The following C4orf36 variants were observed in gnomAD, a reference collection of about 807,000 sequenced individuals.
C4orf36 encodes uncharacterized protein C4orf36.
Under a neutral mutation model 12.2 loss-of-function variants are expected in C4orf36, and 11 were observed. That is an observed-to-expected ratio of 0.90 (90% CI 0.57 to 1.49). C4orf36 has a LOEUF of 1.49. Among genes scored for constraint, C4orf36 ranks in the 40% most tolerant of loss-of-function variants. The pLI is 0.00. For missense variants in C4orf36, 137 were observed against 133.9 expected (o/e 1.02, Z -0.11); for synonymous variants, 54 against 51.3 (o/e 1.05, Z -0.22).
chr4:86,919,548 G>C, the C4orf36 span, among the ~76,000 whole-genome samples: 1 of 151,566 alleles, frequency 6.6e-6, no homozygotes, highest in East Asian at 1.9e-4. Context: ...TGGTCTTGAA[G>C]TCCTGACCTC....
In C4orf36 at chr4:86,887,805, C is replaced by G. The variant is rs756413401; in HGVS notation, c.309G>C (p.Leu103=). The G allele has an allele frequency of 1.9e-6, 3 of 1,614,226 alleles. No homozygotes were observed. The highest frequency in any genetic ancestry group is 2.2e-5 in the South Asian group (2 of 91,080). Residue 103 remains leucine, a synonymous_variant, in exon 4 of 5, where the codon CTG becomes CTC. Coordinates refer to ENST00000295898, the MANE Select transcript of C4orf36 (RefSeq NM_144645.4). ...ENTSKEIQLL[L]RERPAGLRRP... ...TTCTCAAACCGGCTGGCCTTTCCCT[C>G]AGGAGAAGCTGAATTTCCTTAGATG...
chr4:86,880,103 C>T (rs1747015835), intron 4 of C4orf36, among the ~76,000 whole-genome samples: 1 of 152,298 alleles, frequency 6.6e-6, no homozygotes, highest in Admixed American at 6.5e-5. Context: ...ATCCTCCCAC[C>T]TTGGCCTCCC....
At chr4:86,894,178 T>C (rs1747540486), upstream of C4orf36, among the ~76,000 whole-genome samples, 1 of 152,176 alleles carries the variant, frequency 6.6e-6, no homozygotes, top group Admixed American at 6.5e-5. Context: ...ATTATAGGCG[T>C]GAGCCACCGC....
chr4:86,930,466 ACTT>A, the C4orf36 span, among the ~76,000 whole-genome samples: 41 of 152,392 alleles, frequency 2.7e-4, no homozygotes, highest in African/African-American at 9.4e-4. Flanking sequence ...TGAGGTTATA[ACTT>A]CTTTATTCAT....
the C4orf36 span, among the ~76,000 whole-genome samples, chr4:86,901,536 T>C: frequency 6.6e-6 from 1 of 151,814 alleles, no homozygotes; most frequent in African/African-American, 2.4e-5. Flanking sequence ...GCCTCCCAAG[T>C]AGCTGGGACT....
the C4orf36 span, chr4:86,936,168 C>G: frequency 6.6e-6 from 1 of 152,216 alleles, no homozygotes; most frequent in African/African-American, 2.4e-5. Context: ...CTCCCTTGAA[C>G]CAGTCTCTGT....
chr4:86,905,720 T>TA, the C4orf36 span, among the ~76,000 whole-genome samples: 15 of 151,010 alleles, frequency 9.9e-5, no homozygotes, highest in African/African-American at 3.2e-4. Flanking sequence ...CTTTTTTTTT[T>TA]TTTTTCTTTT....
rs562602184 is a variant in C4orf36 at position 86,876,352 on chromosome 4, C to A, written c.*94G>T. The A allele has an allele frequency of 4.5e-6, 7 of 1,561,856 alleles. No individual in the cohort carries two copies. The highest frequency in any genetic ancestry group is 6.1e-6 in the Non-Finnish European group (7 of 1,156,284). ...GGCCAGGATGGCTGCAGCGCAGCGA[C>A]GGCCGGGGCCGGGAGCGGGTCCTGG... On this transcript the variant is annotated 3_prime_UTR_variant, in exon 5 of 5. Transcript: ENST00000295898.
At chr4:86,921,701 A>G in the C4orf36 span, among the ~76,000 whole-genome samples, 2 of 152,350 alleles carry the variant, frequency 1.3e-5, no homozygotes, top group East Asian at 3.9e-4. Context: ...TATCATTTTA[A>G]TCATTTTTAA....
intron 2 of C4orf36, chr4:86,890,174 G>T (rs1015148482): frequency 1.4e-5 from 5 of 361,070 alleles, no homozygotes; most frequent in Admixed American, 2.9e-5. Context: ...AGGAAAGAAG[G>T]AAAGAAGGGA....
chr4:86,932,744 T>G, the C4orf36 span, among the ~76,000 whole-genome samples: 1 of 114,980 alleles, frequency 8.7e-6, no homozygotes, highest in Non-Finnish European at 1.6e-5. Flanking sequence ...CCCATCATCA[T>G]ATTTAAAAGG....
At chr4:86,929,175 A>G in the C4orf36 span, among the ~76,000 whole-genome samples, 49 of 152,066 alleles carry the variant, frequency 3.2e-4, no homozygotes, top group African/African-American at 1.2e-3. Context: ...ATTACCTGAC[A>G]ATTTCCATAG....
At chr4:86,913,237 C>T in the C4orf36 span, 6 of 543,614 alleles carry the variant, frequency 1.1e-5, no homozygotes, top group East Asian at 4.3e-5. Flanking sequence ...TGCTGGATGG[C>T]GGAAGCTCAC....
the C4orf36 span, among the ~76,000 whole-genome samples, chr4:86,916,126 A>G: frequency 6.6e-6 from 1 of 152,230 alleles, no homozygotes; most frequent in Non-Finnish European, 1.5e-5. Context: ...ACAAGAGGAC[A>G]GAAGTATGTA....
chr4:86,912,826 A>C, the C4orf36 span, among the ~76,000 whole-genome samples: 1 of 152,284 alleles, frequency 6.6e-6, no homozygotes, highest in Non-Finnish European at 1.5e-5. Context: ...ATTTATATCT[A>C]TCTTAATATA....
At chr4:86,930,312 T>C in the C4orf36 span, among the ~76,000 whole-genome samples, 2 of 152,264 alleles carry the variant, frequency 1.3e-5, no homozygotes, top group Non-Finnish European at 2.9e-5. Flanking sequence ...TTCACACTGA[T>C]AGACACTAGT....
the C4orf36 span, among the ~76,000 whole-genome samples, chr4:86,899,958 A>G: frequency 6.6e-6 from 1 of 152,156 alleles, no homozygotes; most frequent in African/African-American, 2.4e-5. Flanking sequence ...GAGTGTGACA[A>G]TTAATGACTT....
chr4:86,888,132 G>A lies in C4orf36; in HGVS notation c.209C>T (p.Pro70Leu), dbSNP rs1200223723. The change falls in exon 3 of 5, where the codon CCT (proline) becomes CTT (leucine). Residue 70 changes from proline to leucine, a missense_variant. Pro to Leu is a moderately conservative substitution (Grantham distance 98). Transcript: ENST00000295898. Reference protein sequence around the residue: ...KCTTIKDGLLPSAESIKLERE... With the variant: ...KCTTIKDGLLLSAESIKLERE... ...CTTAAGGAACTTACATTCTGCAGAAGGGAGCAGTCCATCTTTAATGGTGGT... is the reference window on the plus strand; with the variant it reads ...CTTAAGGAACTTACATTCTGCAGAAAGGAGCAGTCCATCTTTAATGGTGGT... 1 of 1,612,828 alleles carries A rather than the reference G, an allele frequency of 6.2e-7. No homozygotes were observed. The highest frequency in any genetic ancestry group is 8.5e-7 in the Non-Finnish European group (1 of 1,179,590).
At chr4:86,913,292 T>C in the C4orf36 span, 1 of 694,466 alleles carries the variant, frequency 1.4e-6, no homozygotes, top group Non-Finnish European at 2.6e-6. Flanking sequence ...TCGAGAGTCT[T>C]GAAATCCTAA....
Sources: allele counts gnomAD v4.1 joint callset (sites outside exome capture counted in the v4.1 genomes callset), GRCh38; gene constraint gnomAD v4.1.1; transcripts MANE v1.5; gene names NCBI Gene and HGNC (gene_info 2026-07-23, HGNC 2026-07-21).